KLF12: variants seen among roughly 807,000 people sequenced by gnomAD.
KLF12 encodes Krueppel-like factor 12.
KLF12 carries 9 observed loss-of-function variants against 37.8 expected under a neutral mutation model. That is an observed-to-expected ratio of 0.24 (90% confidence interval 0.14 to 0.42). KLF12 has a LOEUF of 0.42. Among genes scored for constraint, KLF12 ranks in the 10% least tolerant of loss-of-function variants. The pLI is 1.00. For missense variants in KLF12, 411 were observed against 516.0 expected, an observed-to-expected ratio of 0.80 and a Z score of 1.97; for synonymous variants, 208 against 202.1, an observed-to-expected ratio of 1.03 and a Z score of -0.25.
intron 1 of KLF12, among the ~76,000 whole-genome samples, chr13:74,081,780 T>A (rs143330689): frequency 2.0e-5 from 3 of 152,178 alleles, no homozygotes; most frequent in African/African-American, 7.2e-5. Context: ...TTCTCCTATA[T>A]TACTCGTGCC....
At chr13:74,268,674 C>T in the KLF12 span, among the ~76,000 whole-genome samples, 4 of 152,004 alleles carry the variant, frequency 2.6e-5, no homozygotes, top group South Asian at 4.2e-4. Context: ...AGATAATATG[C>T]GAGTCTGGAG....
chr13:74,275,877 TCTTC>T, the KLF12 span, among the ~76,000 whole-genome samples: 88 of 74,594 alleles, frequency 1.2e-3, no homozygotes, highest in African/African-American at 3.7e-3. Flanking sequence ...TATCTTTCTT[TCTTC>T]TTTCTTTCTT....
intron 6 of KLF12, among the ~76,000 whole-genome samples, chr13:73,744,633 C>T (rs1044677420): frequency 7.9e-5 from 12 of 152,008 alleles, no homozygotes; most frequent in African/African-American, 2.9e-4. Flanking sequence ...ACAGGAGGAA[C>T]TGCTATAGAG....
intron 3 of KLF12, among the ~76,000 whole-genome samples, chr13:73,854,561 G>C (rs1387626560): frequency 6.6e-6 from 1 of 152,148 alleles, no homozygotes; most frequent in East Asian, 1.9e-4. Flanking sequence ...AGGCATATTA[G>C]CAAAACAATG....
At chr13:73,700,946 A>C (rs1874511986) in intron 7 of KLF12, among the ~76,000 whole-genome samples, 1 of 152,212 alleles carries the variant, frequency 6.6e-6, no homozygotes, top group Non-Finnish European at 1.5e-5. Flanking sequence ...GAGAGTAAAA[A>C]AACTAATTAG....
chr13:73,711,550 CA>C (rs1256277570), intron 7 of KLF12, among the ~76,000 whole-genome samples: 1 of 152,216 alleles, frequency 6.6e-6, no homozygotes, highest in East Asian at 1.9e-4. Flanking sequence ...AATGTAACAA[CA>C]AAGCTTGGAT....
At chr13:73,909,060 G>A (rs1317506354) in intron 3 of KLF12, among the ~76,000 whole-genome samples, 3 of 152,088 alleles carry the variant, frequency 2.0e-5, no homozygotes, top group African/African-American at 4.8e-5. Context: ...TAGTGCTCAC[G>A]GTACAGGAGA....
At chr13:74,276,319 T>C in the KLF12 span, among the ~76,000 whole-genome samples, 1 of 152,114 alleles carries the variant, frequency 6.6e-6, no homozygotes, top group Non-Finnish European at 1.5e-5. Flanking sequence ...CACTATGTTG[T>C]ACAGGCTGAT....
intron 6 of KLF12, among the ~76,000 whole-genome samples, chr13:73,749,685 G>A (rs1343981672): frequency 6.6e-6 from 1 of 152,138 alleles, no homozygotes; most frequent in Non-Finnish European, 1.5e-5. Context: ...GTGGATCAGA[G>A]GGAAGGCCAA....
At chr13:74,068,451 C>T (rs1015615135) in intron 1 of KLF12, among the ~76,000 whole-genome samples, 3 of 152,138 alleles carry the variant, frequency 2.0e-5, no homozygotes, top group Non-Finnish European at 4.4e-5. Flanking sequence ...GAAGCATTAA[C>T]ACTAAACTCC....
chr13:74,022,089 G>T (rs916897558), intron 1 of KLF12, among the ~76,000 whole-genome samples: 3 of 152,016 alleles, frequency 2.0e-5, no homozygotes, highest in Non-Finnish European at 4.4e-5. Context: ...TTGTGTCTTA[G>T]ATATTCTAAA....
At chr13:74,135,038 G>A (rs977386000), upstream of KLF12, among the ~76,000 whole-genome samples, 4 of 151,480 alleles carry the variant, frequency 2.6e-5, no homozygotes, top group Non-Finnish European at 5.9e-5. Flanking sequence ...CAGCCCCGCG[G>A]GCGGTGCCCC....
At chr13:73,905,537 A>T (rs1281047744) in intron 3 of KLF12, among the ~76,000 whole-genome samples, 6 of 151,776 alleles carry the variant, frequency 4.0e-5, no homozygotes, top group Admixed American at 1.3e-4. Flanking sequence ...TTTACGTTTT[A>T]AAAAAAATCA....
chr13:73,774,652 G>A lies in KLF12; in HGVS notation c.807-9652C>T, dbSNP rs1482620838. On this transcript the variant is annotated intron_variant, in intron 5 of 7. Coordinates refer to ENST00000377669, the MANE Select transcript of KLF12 (RefSeq NM_007249.5). Reference sequence around the variant, plus strand: ...TAACATTAGAAAAATTGGGTGAAAGGTATATGTGAATTCTCTATAATAATT... The same window carrying A: ...TAACATTAGAAAAATTGGGTGAAAGATATATGTGAATTCTCTATAATAATT... Among the ~76,000 whole-genome samples the A allele has an allele frequency of 5.3e-5, 8 of 152,142 alleles. No homozygotes were observed. In the East Asian group the frequency reaches 1.5e-3, roughly 29 times the overall value.
At chr13:74,294,581 A>G in the KLF12 span, among the ~76,000 whole-genome samples, 1 of 151,902 alleles carries the variant, frequency 6.6e-6, no homozygotes, top group Non-Finnish European at 1.5e-5. Context: ...GTTGACCACC[A>G]TGGTCTTGAT....
rs187907758 is a variant in KLF12 at position 74,063,021 on chromosome 13, G to A, written c.-31-67968C>T. Among the ~76,000 whole-genome samples the A allele has an allele frequency of 1.2e-3, 177 of 152,290 alleles. 2 individuals are homozygous for A. Among genetic ancestry groups the A allele is most frequent in the African/African-American group, 4.0e-3 (166 of 41,556 alleles). On this transcript the variant is annotated intron_variant, in intron 1 of 7. Coordinates refer to ENST00000377669, the MANE Select transcript of KLF12 (RefSeq NM_007249.5). ...CCAGCCGGTGTGAAATGGTGATGCTGTCAGTCAGCAGGAAAATTTTTTGCT... is the reference window on the plus strand; with the variant it reads ...CCAGCCGGTGTGAAATGGTGATGCTATCAGTCAGCAGGAAAATTTTTTGCT...
In KLF12 at chr13:74,071,661, C is replaced by A. The variant is rs563726856; in HGVS notation, c.-32+62078G>T. The stretch of plus-strand genomic sequence containing the variant: ...TGAGCCAAGATCGCACCACTGCACT[C>A]CAGCCTGGGCGACAGAGCGAGACTC... On this transcript the variant is annotated intron_variant, in intron 1 of 7. Coordinates refer to ENST00000377669, the MANE Select transcript of KLF12 (RefSeq NM_007249.5). Among the ~76,000 whole-genome samples the A allele has an allele frequency of 1.1e-4, 17 of 152,246 alleles. No individual in the cohort carries two copies. In the East Asian group the frequency reaches 2.1e-3, roughly 19 times the overall value.
chr13:73,761,325 A>T (rs1235733600), intron 6 of KLF12, among the ~76,000 whole-genome samples: 4 of 152,274 alleles, frequency 2.6e-5, no homozygotes, highest in African/African-American at 7.2e-5. Context: ...CAGCCTAAGA[A>T]TTATTATGAG....
At chr13:74,193,744 T>C in the KLF12 span, among the ~76,000 whole-genome samples, 1 of 152,142 alleles carries the variant, frequency 6.6e-6, no homozygotes, top group Non-Finnish European at 1.5e-5. Flanking sequence ...AAACCAACAT[T>C]ATAAGCCTAA....
Sources: allele counts gnomAD v4.1 joint callset (sites outside exome capture counted in the v4.1 genomes callset), GRCh38; gene constraint gnomAD v4.1.1; transcripts MANE v1.5; gene names NCBI Gene and HGNC (gene_info 2026-07-23, HGNC 2026-07-21).